The following UBE2Q2 variants were observed in gnomAD, a reference collection of about 807,000 sequenced individuals.
UBE2Q2 encodes the protein ubiquitin-conjugating enzyme E2 Q2.
In UBE2Q2, 54 loss-of-function variants were observed where a neutral mutation model predicts 59.9. That is an observed-to-expected ratio of 0.90 (90% CI 0.72 to 1.13). The LOEUF is 1.13. UBE2Q2 is among the 50% of genes most tolerant of loss of function. UBE2Q2 has a pLI of 0.00. For missense variants in UBE2Q2, 433 were observed against 441.9 expected (o/e 0.98, Z 0.18); for synonymous variants, 165 against 155.2 (o/e 1.06, Z -0.47).
At chr15:75,879,864 G>C (rs550761958) in intron 8 of UBE2Q2, among the ~76,000 whole-genome samples, 27 of 152,190 alleles carry the variant, frequency 1.8e-4, no homozygotes, top group African/African-American at 6.0e-4. Flanking sequence ...GCCCAAAGAG[G>C]AAAACTGTCC....
intron 9 of UBE2Q2, among the ~76,000 whole-genome samples, chr15:75,888,512 A>G (rs942352701): frequency 2.6e-5 from 4 of 152,216 alleles, no homozygotes; most frequent in Non-Finnish European, 5.9e-5. Context: ...TTATCCTTAG[A>G]TGACCCTTAC....
chr15:75,864,831 T>A (rs573546418), intron 3 of UBE2Q2, among the ~76,000 whole-genome samples: 1 of 152,322 alleles, frequency 6.6e-6, no homozygotes, highest in Non-Finnish European at 1.5e-5. Context: ...TTATTTCCCC[T>A]TTTTATTTTG....
chr15:75,891,570 G>C (rs1295230595), intron 11 of UBE2Q2, among the ~76,000 whole-genome samples: 1 of 151,162 alleles, frequency 6.6e-6, no homozygotes, highest in African/African-American at 2.4e-5. Flanking sequence ...TTTTGTAGAT[G>C]AGGTAACTGA....
chr15:75,858,113 C>T (rs76457696), intron 2 of UBE2Q2, among the ~76,000 whole-genome samples: 2,474 of 152,224 alleles, frequency 0.016, 65 homozygotes, highest in African/African-American at 0.056. Context: ...GATCTCTTCT[C>T]CCTTGGCCTA....
intron 3 of UBE2Q2, 58 bp from the exon 4 acceptor site, chr15:75,868,893 T>C (rs1897639267): frequency 1.3e-6 from 2 of 1,498,930 alleles, no homozygotes; most frequent in African/African-American, 1.4e-5. Flanking sequence ...TCTTCTAATG[T>C]ACTCAGCCTG....
rs771505219 is a variant in UBE2Q2, at chr15:75,854,485, T to C, written c.280T>C (p.Leu94=). Residue 94 remains leucine (L), a splice_region_variant and synonymous_variant, in exon 2 of 13, where the codon TTG becomes CTG. Coordinates refer to ENST00000267938, the MANE Select transcript of UBE2Q2 (RefSeq NM_173469.4). ...TCTAGAAGATACTAAGAACAACAAT[T>C]TGGTAAGAAAATAAGCCAAGCTATT... is the stretch of plus-strand genomic sequence containing the variant. ...ERLEDTKNNN[L]LRQQLKWLIC... is the part of the protein sequence containing the mutation. 2 of 1,603,044 alleles carry C rather than the reference T, an allele frequency of 1.2e-6. No homozygotes were observed. The highest frequency in any genetic ancestry group is 3.4e-5 in the Admixed American group (2 of 58,940).
intron 11 of UBE2Q2, among the ~76,000 whole-genome samples, chr15:75,892,513 A>G (rs1193025345): frequency 6.6e-6 from 1 of 152,218 alleles, no homozygotes; most frequent in African/African-American, 2.4e-5. Flanking sequence ...CAAGACCACC[A>G]GGAATGATGA....
At chr15:75,885,333 GTCTCTA>G (rs1898698097) in intron 9 of UBE2Q2, among the ~76,000 whole-genome samples, 1 of 151,992 alleles carries the variant, frequency 6.6e-6, no homozygotes. Context: ...GGCCAGGATG[GTCTCTA>G]TCTCTTGACC....
At chr15:75,894,591 A>C (rs1171231723) in intron 11 of UBE2Q2, among the ~76,000 whole-genome samples, 1 of 152,028 alleles carries the variant, frequency 6.6e-6, no homozygotes, top group Non-Finnish European at 1.5e-5. Flanking sequence ...CTCTTAAAAG[A>C]ACCTGAAGGA....
chr15:75,871,502 C>G (rs1017224699), intron 4 of UBE2Q2, among the ~76,000 whole-genome samples: 1 of 152,194 alleles, frequency 6.6e-6, no homozygotes, highest in Non-Finnish European at 1.5e-5. Context: ...CCTGGCTTTC[C>G]TAGGCAGAGG....
Position 75,883,384 on chromosome 15 carries a change from C to A in UBE2Q2, c.844C>A (p.Pro282Thr). 6.2e-7 allele frequency: 1 copy of A among 1,613,154 alleles called. No homozygotes were observed. The highest frequency in any genetic ancestry group is 8.5e-7 in the Non-Finnish European group (1 of 1,179,514). ...TTTTTAGGATAACTTTCCATTTGATCCTCCATTTGTTCGAGTGGTGTTACC... is the reference window on the plus strand; with the variant it reads ...TTTTTAGGATAACTTTCCATTTGATACTCCATTTGTTCGAGTGGTGTTACC... ...FSFKDNFPFDPPFVRVVLPVL... is the reference protein window; with the variant it reads ...FSFKDNFPFDTPFVRVVLPVL... Residue 282 changes from proline (P) to threonine (T), a missense_variant, in exon 9 of 13, where the codon CCT becomes ACT. Coordinates refer to ENST00000267938, the MANE Select transcript of UBE2Q2 (RefSeq NM_173469.4).
At chr15:75,844,745 G>T (rs746625240) in intron 1 of UBE2Q2, among the ~76,000 whole-genome samples, 1 of 152,132 alleles carries the variant, frequency 6.6e-6, no homozygotes, top group African/African-American at 2.4e-5. Context: ...TAGGATATTG[G>T]TCCAAACTGC....
rs191949328 is a variant in UBE2Q2 at position 75,843,473 on chromosome 15, C to T, written c.-194C>T. ...CTGGAGTCGGTTACAAAGGAAGCGC[C>T]ACCCAGGCCGCCACACGCCGAGGCT... is the stretch of plus-strand genomic sequence containing the variant. On this transcript the variant is annotated 5_prime_UTR_variant, in exon 1 of 13. Coordinates refer to ENST00000267938, the MANE Select transcript of UBE2Q2 (RefSeq NM_173469.4). 6.1e-5 allele frequency: 16 copies of T among 263,384 alleles called. No individual in the cohort carries two copies. The Admixed American group carries it at 6.7e-4, about 11-fold the overall frequency. The allele number at this position is 263,384 out of a possible 1,614,324, so 16.3% of individuals were successfully genotyped here.
At position 75,899,420 on chromosome 15, in the gene UBE2Q2, AT is replaced by A; in HGVS notation, c.1097-4del. ...ATTTTAACTTTTTTTTTTTCATTCTATTTCAGGCTGGTACACCCCTCCAAAG... is the reference window on the plus strand; with the variant it reads ...ATTTTAACTTTTTTTTTTTCATTCTATTCAGGCTGGTACACCCCTCCAAAG... On this transcript the variant is annotated splice_polypyrimidine_tract_variant and splice_region_variant and intron_variant, in intron 12 of 12. Transcript: ENST00000267938. 6.4e-7 allele frequency: 1 copy of A among 1,570,808 alleles called. No individual in the cohort carries two copies.
chr15:75,863,741 C>T, intron 3 of UBE2Q2, among the ~76,000 whole-genome samples: 1 of 151,870 alleles, frequency 6.6e-6, no homozygotes, highest in Admixed American at 6.6e-5. Flanking sequence ...TTCGTGGGTT[C>T]AAGCGATTCT....
chr15:75,849,792 G>A (rs1896540511), intron 1 of UBE2Q2, among the ~76,000 whole-genome samples: 1 of 152,160 alleles, frequency 6.6e-6, no homozygotes. Context: ...ATTGTTCTGT[G>A]TTTTCATAAC....
At chr15:75,856,245 A>ACG (rs1896897313) in intron 2 of UBE2Q2, among the ~76,000 whole-genome samples, 1 of 105,188 alleles carries the variant, frequency 9.5e-6, no homozygotes, top group Non-Finnish European at 1.8e-5. Context: ...ATGTGTATAT[A>ACG]CGTGTGTGTG....
intron 8 of UBE2Q2, among the ~76,000 whole-genome samples, chr15:75,882,355 T>C (rs1342530180): frequency 1.3e-5 from 2 of 152,200 alleles, no homozygotes; most frequent in Non-Finnish European, 2.9e-5. Context: ...TGAGGAACTT[T>C]TTATTTCTGT....
intron 1 of UBE2Q2, among the ~76,000 whole-genome samples, chr15:75,846,396 C>A (rs1896349356): frequency 6.6e-6 from 1 of 152,118 alleles, no homozygotes; most frequent in African/African-American, 2.4e-5. Flanking sequence ...CGCCGCCACA[C>A]CCGGCTAATT....
Sources: gnomAD v4.1 joint callset for allele counts (sites outside exome capture counted in the v4.1 genomes callset) on GRCh38, gnomAD v4.1.1 for gene constraint, MANE v1.5 for transcripts, NCBI Gene and HGNC (gene_info 2026-07-23, HGNC 2026-07-21) for gene names.